FHL1: variants seen among roughly 807,000 people sequenced by gnomAD.
FHL1 encodes four and a half LIM domains protein 1.
In FHL1, 1 loss-of-function variant was observed where a neutral mutation model predicts 20.3. The ratio of observed to expected loss-of-function variants is 0.05; its 90% CI spans 0.02 to 0.23. FHL1 has a LOEUF of 0.23. Ranked by LOEUF, FHL1 falls within the 10% of genes least tolerant of loss-of-function variation. The pLI is 1.00. For synonymous variants in FHL1, 82 were observed against 88.9 expected (o/e 0.92, Z 0.44); for missense variants, 177 against 234.0 (o/e 0.76, Z 1.59).
chrX:136,203,404 C>T (rs1021103295), intron 1 of FHL1, among the ~76,000 whole-genome samples: 1 of 111,736 alleles, frequency 8.9e-6, no homozygotes, highest in African/African-American at 3.3e-5. Context: ...AAAAATCTTG[C>T]CTAAAGCTAG....
upstream of FHL1, among the ~76,000 whole-genome samples, chrX:136,169,109 T>C (rs1028109903): frequency 8.9e-6 from 1 of 111,754 alleles, no homozygotes; most frequent in Non-Finnish European, 1.9e-5. Flanking sequence ...TTTCACACTT[T>C]TAGGATAATA....
intron 1 of FHL1, among the ~76,000 whole-genome samples, chrX:136,155,564 C>G (rs2072392017): frequency 9.0e-6 from 1 of 111,648 alleles, no homozygotes; most frequent in African/African-American, 3.3e-5. Context: ...GAATTGTACT[C>G]TTGCCTAGGG....
At chrX:136,205,034 G>A (rs1249612310) in intron 1 of FHL1, 1 of 112,509 alleles carries the variant, frequency 8.9e-6, no homozygotes, top group Non-Finnish European at 1.9e-5. Context: ...TTTGTGGATA[G>A]TTTTAGAAAG....
rs185809097 is a variant in FHL1, at chrX:136,185,483, T to C, written c.-27+15503T>C. The stretch of plus-strand genomic sequence containing the variant: ...CTGCTTTATAAACATCAGCCCCTTT[T>C]CTGAAGTCCGAAGTTAGTTTTTTAA... On this transcript the variant is annotated intron_variant, in intron 2 of 6. Coordinates refer to the FHL1 transcript ENST00000394153. Among the ~76,000 whole-genome samples, 438 of 112,030 alleles carry C rather than the reference T, an allele frequency of 3.9e-3. 6 individuals are homozygous for C. The highest frequency in any genetic ancestry group is 0.013 in the African/African-American group (406 of 30,893).
upstream of FHL1, among the ~76,000 whole-genome samples, chrX:136,168,954 C>T (rs2072784516): frequency 8.9e-6 from 1 of 111,752 alleles, no homozygotes; most frequent in Non-Finnish European, 1.9e-5. Context: ...TCCTGTGTTA[C>T]AGGCACTGAC....
chrX:136,155,758 A>T (rs1396153119), intron 1 of FHL1, among the ~76,000 whole-genome samples: 1 of 111,022 alleles, frequency 9.0e-6, no homozygotes, highest in African/African-American at 3.3e-5. Context: ...ACTACTATAG[A>T]TAAAAACTCA....
upstream of FHL1, chrX:136,196,799 A>G: frequency 8.6e-7 from 1 of 1,166,324 alleles, no homozygotes; most frequent in Non-Finnish European, 1.1e-6. Context: ...ATTCCGGTAC[A>G]GGGATGACTT....
upstream of FHL1, among the ~76,000 whole-genome samples, chrX:136,196,493 G>A (rs2073557912): frequency 9.0e-6 from 1 of 111,398 alleles, no homozygotes; most frequent in Non-Finnish European, 1.9e-5. Context: ...CTGCCGTTAA[G>A]GAGGTGGGGA....
At chrX:136,172,532 T>C (rs1195555409) in intron 2 of FHL1, among the ~76,000 whole-genome samples, 2 of 112,376 alleles carry the variant, frequency 1.8e-5, no homozygotes, top group African/African-American at 6.5e-5. Flanking sequence ...CTATGATTTA[T>C]GCCACTTCCA....
chrX:136,162,990 C>T (rs762870985), intron 1 of FHL1, among the ~76,000 whole-genome samples: 31 of 112,342 alleles, frequency 2.8e-4, no homozygotes, highest in Middle Eastern at 4.6e-3. Context: ...CTTTAGTTCT[C>T]CAGCCTCCAG....
intron 1 of FHL1, among the ~76,000 whole-genome samples, chrX:136,162,122 C>CA (rs745946778): frequency 0.012 from 610 of 48,901 alleles, 20 homozygotes; most frequent in African/African-American, 0.039. Flanking sequence ...GACCCTGTCT[C>CA]AAAAAAAAAA....
chrX:136,173,012 C>T (rs1004900657), intron 2 of FHL1, among the ~76,000 whole-genome samples: 2 of 112,895 alleles, frequency 1.8e-5, no homozygotes, highest in African/African-American at 6.4e-5. Context: ...GGATTACAGG[C>T]GTGAGCCACC....
At chrX:136,196,743 A>G (rs1569529767), upstream of FHL1, 2 of 1,028,633 alleles carry the variant, frequency 1.9e-6, no homozygotes, top group African/African-American at 1.9e-5. Context: ...GTGGATTAAT[A>G]AGGTTGGCTC....
chrX:136,160,722 GTCC>G (rs1472469864), intron 1 of FHL1, among the ~76,000 whole-genome samples: 2 of 112,114 alleles, frequency 1.8e-5, no homozygotes, highest in Non-Finnish European at 3.8e-5. Flanking sequence ...TCTGTTAGGT[GTCC>G]TCATTGTTAC....
chrX:136,208,253 C>T (rs1351479331), intron 4 of FHL1, among the ~76,000 whole-genome samples: 1 of 111,994 alleles, frequency 8.9e-6, no homozygotes, highest in Non-Finnish European at 1.9e-5. Context: ...GCTGTGTAAC[C>T]TCACATAGGG....
chrX:136,209,854 T>TTTTC lies in FHL1; in HGVS notation c.737-14_737-13insCTTT, dbSNP rs767661713. On this transcript the variant is annotated splice_polypyrimidine_tract_variant and intron_variant, in intron 5 of 5. Transcript: ENST00000370683. ...GTTTCTCTTGTTTTCTTTTCTTTTC[T>TTTTC]TTTTTTTTCCCCCCAGGGTTTGGTA... 4 of 1,191,044 alleles carry TTTTC rather than the reference T, an allele frequency of 3.4e-6. No homozygotes were observed. Among genetic ancestry groups the TTTTC allele is most frequent in the Admixed American group, 2.2e-5 (1 of 44,770 alleles).
Position 136,206,399 on chromosome X carries a change from C to A in FHL1, c.23-8C>A. ...GTGGTCATTTGTCCTGTCTGCTTGCCCCCGCAGGTCCCTCCAGCTACAAGG... is the reference window on the plus strand; with the variant it reads ...GTGGTCATTTGTCCTGTCTGCTTGCACCCGCAGGTCCCTCCAGCTACAAGG... On this transcript the variant is annotated splice_region_variant and splice_polypyrimidine_tract_variant and intron_variant, in intron 1 of 5. Transcript: ENST00000370683. 1 of 1,211,541 alleles carries A rather than the reference C, an allele frequency of 8.3e-7. No individual in the cohort carries two copies. Among genetic ancestry groups the A allele is most frequent in the Non-Finnish European group, 1.1e-6 (1 of 895,457 alleles).
chrX:136,199,731 T>G (rs190417012), intron 1 of FHL1, among the ~76,000 whole-genome samples: 1 of 112,426 alleles, frequency 8.9e-6, no homozygotes, highest in East Asian at 2.8e-4. Flanking sequence ...CCATTTGGGT[T>G]GTTGTTCATT....
intron 1 of FHL1, among the ~76,000 whole-genome samples, 195 bp downstream of exon 1, chrX:136,197,329 C>T (rs1474088940): frequency 2.7e-5 from 3 of 112,353 alleles, no homozygotes; most frequent in Admixed American, 1.9e-4. Context: ...GTACAATGAA[C>T]AGTTTGAGTG....
Sources: gnomAD v4.1 joint callset for allele counts (sites outside exome capture counted in the v4.1 genomes callset) on GRCh38, gnomAD v4.1.1 for gene constraint, MANE v1.5 for transcripts, NCBI Gene and HGNC (gene_info 2026-07-23, HGNC 2026-07-21) for gene names.